PHTF2: variants seen among roughly 807,000 people sequenced by gnomAD.
The protein encoded by PHTF2 is protein PHTF2.
A neutral mutation model predicts 101.2 loss-of-function variants in PHTF2; 60 were observed. The observed-to-expected ratio is 0.59, with a 90% CI of 0.48 to 0.73. The LOEUF is 0.73. Ranked by LOEUF, PHTF2 falls within the 30% of genes least tolerant of loss-of-function variation. PHTF2 has a pLI of 0.00. For synonymous variants in PHTF2, 311 were observed against 307.3 expected, an observed-to-expected ratio of 1.01 and a Z score of -0.13; for missense variants, 747 against 908.7, an observed-to-expected ratio of 0.82 and a Z score of 2.29.
intron 3 of PHTF2, among the ~76,000 whole-genome samples, chr7:77,858,665 T>A (rs901572659): frequency 1.3e-5 from 2 of 151,460 alleles, no homozygotes; most frequent in Middle Eastern, 3.4e-3. Flanking sequence ...TTTTTTTTTT[T>A]AAAGATAGGG....
chr7:77,910,452 T>C, intron 9 of PHTF2, 43 bp downstream of exon 8: 1 of 1,423,896 alleles, frequency 7.0e-7, no homozygotes, highest in Non-Finnish European at 9.7e-7. Context: ...GAGATGGCAC[T>C]ATCCTTTTTC....
exon 10 of PHTF2, chr7:77,920,428 C>T: frequency 3.1e-6 from 5 of 1,613,264 alleles, no homozygotes; most frequent in Admixed American, 3.3e-5. Context: ...GAAGAGACAG[C>T]CTGGAACACA....
rs555161734 is a variant in PHTF2 at position 77,852,230 on chromosome 7, G to A, written c.46-2503G>A. 9.2e-5 allele frequency among the ~76,000 whole-genome samples: 14 copies of A among 152,288 alleles called. No individual in the cohort carries two copies. The East Asian group carries it at 2.1e-3, about 23-fold the overall frequency. On this transcript the variant is annotated intron_variant, in intron 2 of 19. Coordinates refer to ENST00000416283, the Ensembl canonical transcript of PHTF2. Reference sequence around the variant, plus strand: ...TTTTTGACTGGGCATGGTGGCTCCCGCCTGTATTCCCAGCACTTTCGGAGG... The same window carrying A: ...TTTTTGACTGGGCATGGTGGCTCCCACCTGTATTCCCAGCACTTTCGGAGG...
intron 12 of PHTF2, among the ~76,000 whole-genome samples, chr7:77,933,938 A>AT (rs1416227427): frequency 6.6e-6 from 1 of 152,150 alleles, no homozygotes; most frequent in African/African-American, 2.4e-5. Flanking sequence ...AAATTTGTTA[A>AT]TGCTCTACTC....
At chr7:77,893,984 T>G in exon 5 of PHTF2, 4 of 1,601,060 alleles carry the variant, frequency 2.5e-6, no homozygotes, top group Non-Finnish European at 3.4e-6. Context: ...CTGTACAGTT[T>G]ATTAAACTGG....
At chr7:77,847,203 G>T (rs1796371766) in intron 2 of PHTF2, among the ~76,000 whole-genome samples, 1 of 152,168 alleles carries the variant, frequency 6.6e-6, no homozygotes, top group African/African-American at 2.4e-5. Flanking sequence ...TTCTGATGGG[G>T]TATGGCTTTC....
At chr7:77,828,059 T>G (rs1794820295) in intron 1 of PHTF2, among the ~76,000 whole-genome samples, 2 of 152,236 alleles carry the variant, frequency 1.3e-5, no homozygotes, top group African/African-American at 2.4e-5. Flanking sequence ...GCCATTTAGA[T>G]ATCATTTAGT....
chr7:77,827,926 G>A (rs537211467), intron 1 of PHTF2, among the ~76,000 whole-genome samples: 67 of 152,278 alleles, frequency 4.4e-4, no homozygotes, highest in African/African-American at 1.4e-3. Flanking sequence ...TTACAGGTGC[G>A]AGCCACGGAG....
At chr7:77,877,180 A>G (rs991209297) in intron 3 of PHTF2, among the ~76,000 whole-genome samples, 36 of 151,116 alleles carry the variant, frequency 2.4e-4, no homozygotes, top group African/African-American at 8.8e-4. Context: ...CAGTGGCACA[A>G]TCTTGGCTCA....
At chr7:77,932,607 A>T (rs1562962225) in intron 12 of PHTF2, among the ~76,000 whole-genome samples, 4 of 85,880 alleles carry the variant, frequency 4.7e-5, no homozygotes, top group Non-Finnish European at 9.8e-5. Flanking sequence ...AGAGAAAGAG[A>T]GAGAGAGAGA....
At chr7:77,805,415 T>G (rs916178264) in intron 1 of PHTF2, among the ~76,000 whole-genome samples, 1 of 152,192 alleles carries the variant, frequency 6.6e-6, no homozygotes, top group African/African-American at 2.4e-5. Flanking sequence ...TGGTTTCTAT[T>G]CGTCTTTATT....
chr7:77,849,679 C>T (rs888701901), intron 2 of PHTF2, among the ~76,000 whole-genome samples: 1 of 152,164 alleles, frequency 6.6e-6, no homozygotes, highest in Non-Finnish European at 1.5e-5. Flanking sequence ...AATATTAATT[C>T]TTTGCATCAG....
intron 1 of PHTF2, among the ~76,000 whole-genome samples, chr7:77,817,332 C>T (rs1793927368): frequency 6.6e-6 from 1 of 152,058 alleles, no homozygotes; most frequent in African/African-American, 2.4e-5. Flanking sequence ...TTAGTTCGTT[C>T]TCACGCTGCT....
At chr7:77,879,648 T>G (rs2150744931) in intron 3 of PHTF2, among the ~76,000 whole-genome samples, 1 of 152,280 alleles carries the variant, frequency 6.6e-6, no homozygotes, top group Non-Finnish European at 1.5e-5. Flanking sequence ...TTTCCTGATG[T>G]CCAAGAATGG....
intron 2 of PHTF2, among the ~76,000 whole-genome samples, chr7:77,846,611 CCCTTCCCCTT>C (rs1329747795): frequency 3.9e-5 from 4 of 103,314 alleles, no homozygotes; most frequent in African/African-American, 1.5e-4. Flanking sequence ...CCCTTCCCCT[CCCTTCCCCTT>C]CCCTCCCCTC....
chr7:77,873,831 C>T (rs1798720331), intron 3 of PHTF2, among the ~76,000 whole-genome samples: 1 of 152,194 alleles, frequency 6.6e-6, no homozygotes, highest in Admixed American at 6.5e-5. Flanking sequence ...ACAGTAGACA[C>T]CTGGCGACGC....
chr7:77,874,884 T>C (rs1287780891), intron 3 of PHTF2, among the ~76,000 whole-genome samples: 2 of 152,216 alleles, frequency 1.3e-5, no homozygotes, highest in Non-Finnish European at 2.9e-5. Flanking sequence ...GACTGTCTTT[T>C]CCCCAATAAA....
intron 3 of PHTF2, among the ~76,000 whole-genome samples, chr7:77,863,073 A>G (rs2150680640): frequency 6.6e-6 from 1 of 152,324 alleles, no homozygotes; most frequent in East Asian, 1.9e-4. Context: ...ACAACCTAAA[A>G]GTTTCCCATT....
intron 1 of PHTF2, among the ~76,000 whole-genome samples, chr7:77,811,571 A>G (rs1364956357): frequency 6.6e-6 from 1 of 152,114 alleles, no homozygotes; most frequent in South Asian, 2.1e-4. Context: ...GATAAAGAAA[A>G]GCTTCTACCT....
Sources: allele counts gnomAD v4.1 joint callset (sites outside exome capture counted in the v4.1 genomes callset), GRCh38; gene constraint gnomAD v4.1.1; transcripts MANE v1.5; gene names NCBI Gene and HGNC (gene_info 2026-07-23, HGNC 2026-07-21).